CIMAP1D: variants seen among roughly 807,000 people sequenced by gnomAD.
CIMAP1D encodes protein CIMAP1D.
At chr19:479,220 G>A in the CIMAP1D span, among the ~76,000 whole-genome samples, 1 of 152,262 alleles carries the variant, frequency 6.6e-6, no homozygotes, top group Middle Eastern at 3.4e-3. Flanking sequence ...TGTTTCCTAC[G>A]ATTAGGCATA....
the CIMAP1D span, among the ~76,000 whole-genome samples, chr19:482,346 T>C: frequency 6.6e-6 from 1 of 151,980 alleles, no homozygotes; most frequent in African/African-American, 2.4e-5. Flanking sequence ...GTCTAGAGAG[T>C]AGAGCCTAGG....
At chr19:479,061 A>G in the CIMAP1D span, among the ~76,000 whole-genome samples, 1 of 152,164 alleles carries the variant, frequency 6.6e-6, no homozygotes, top group Admixed American at 6.5e-5. Context: ...AGGCCGAAAG[A>G]GTGAGGGCCG....
At chr19:475,986 A>ATT in the CIMAP1D span, among the ~76,000 whole-genome samples, 22,169 of 39,204 alleles carry the variant, frequency 0.57, 9,147 homozygotes, top group Non-Finnish European at 0.66. Context: ...CGCCTGGCTA[A>ATT]TTTTTTTTTT....
the CIMAP1D span, chr19:467,788 A>G: frequency 6.9e-7 from 1 of 1,451,940 alleles, no homozygotes; most frequent in Non-Finnish European, 9.5e-7. Flanking sequence ...CAGAGTGCTG[A>G]GAGTGATTCT....
the CIMAP1D span, among the ~76,000 whole-genome samples, chr19:486,971 C>G: frequency 5.9e-3 from 893 of 152,162 alleles, 4 homozygotes; most frequent in Non-Finnish European, 9.1e-3. Flanking sequence ...AGGCTGGTCT[C>G]AAACTCCTGA....
chr19:478,931 A>T, the CIMAP1D span, among the ~76,000 whole-genome samples: 4 of 152,362 alleles, frequency 2.6e-5, no homozygotes, highest in Non-Finnish European at 5.9e-5. Context: ...GGAGAGGACA[A>T]AACACACAAG....
At chr19:464,429 C>T in the CIMAP1D span, 2 of 975,062 alleles carry the variant, frequency 2.1e-6, no homozygotes, top group Non-Finnish European at 3.2e-6. Flanking sequence ...CGGCCTGGCT[C>T]CCCATGGCCC....
At chr19:473,714 G>T in the CIMAP1D span, among the ~76,000 whole-genome samples, 1 of 130,622 alleles carries the variant, frequency 7.7e-6, no homozygotes, top group African/African-American at 3.2e-5. Flanking sequence ...CTGAGGCCCA[G>T]GCAGAGATAC....
the CIMAP1D span, chr19:467,876 C>T: frequency 2.4e-5 from 16 of 660,592 alleles, no homozygotes; most frequent in Non-Finnish European, 3.9e-5. Context: ...CAGAGGCCAC[C>T]CCAGTCCCAT....
the CIMAP1D span, chr19:474,908 C>T: frequency 1.7e-6 from 1 of 575,158 alleles, no homozygotes; most frequent in Non-Finnish European, 2.7e-6. Context: ...TGTCCCGCAG[C>T]AGGGAGTCGT....
chr19:479,924 AG>A, the CIMAP1D span, among the ~76,000 whole-genome samples: 1 of 152,196 alleles, frequency 6.6e-6, no homozygotes, highest in African/African-American at 2.4e-5. Context: ...TCTATTTAAA[AG>A]TTTCCTTTGT....
At chr19:479,419 G>C in the CIMAP1D span, among the ~76,000 whole-genome samples, 6 of 146,948 alleles carry the variant, frequency 4.1e-5, no homozygotes, top group East Asian at 2.0e-4. Flanking sequence ...TTTGGGGGGG[G>C]GGGGGATGGA....
the CIMAP1D span, chr19:474,761 T>C: frequency 1.3e-6 from 2 of 1,501,084 alleles, no homozygotes; most frequent in Admixed American, 4.2e-5. Flanking sequence ...GGGCAGGCGA[T>C]GGCCCCCACA....
the CIMAP1D span, among the ~76,000 whole-genome samples, chr19:485,381 G>A: frequency 0.024 from 3,690 of 152,358 alleles, 84 homozygotes; most frequent in South Asian, 0.093. Context: ...GAACAGGTGC[G>A]CAGTGAGTGC....
chr19:479,413 G>GC, the CIMAP1D span, among the ~76,000 whole-genome samples: 9 of 27,124 alleles, frequency 3.3e-4, no homozygotes, highest in South Asian at 4.7e-3. Flanking sequence ...TTTTTTTTTG[G>GC]GGGGGGGGGG....
the CIMAP1D span, chr19:489,920 C>T: frequency 7.6e-6 from 3 of 396,186 alleles, no homozygotes; most frequent in Non-Finnish European, 1.3e-5. Context: ...CGACCCAGGG[C>T]GAACACCCAC....
chr19:481,819 G>T, the CIMAP1D span, among the ~76,000 whole-genome samples: 10 of 146,660 alleles, frequency 6.8e-5, no homozygotes, highest in African/African-American at 2.5e-4. Flanking sequence ...TATCACCCAG[G>T]CTGGAGAGTG....
chr19:471,400 G>A, the CIMAP1D span, among the ~76,000 whole-genome samples: 27 of 151,152 alleles, frequency 1.8e-4, no homozygotes, highest in African/African-American at 4.4e-4. Context: ...CCCCCGCCTC[G>A]GCCTCCCAAA....
chr19:465,424 T>A, the CIMAP1D span, among the ~76,000 whole-genome samples: 5 of 54,418 alleles, frequency 9.2e-5, no homozygotes, highest in African/African-American at 4.2e-4. Flanking sequence ...GATTGATGGG[T>A]AGGTGAGTAG....
Sources: gnomAD v4.1 joint callset for allele counts (sites outside exome capture counted in the v4.1 genomes callset) on GRCh38, gnomAD v4.1.1 for gene constraint, MANE v1.5 for transcripts, NCBI Gene and HGNC (gene_info 2026-07-23, HGNC 2026-07-21) for gene names.